Variants in FHIT observed in about 807,000 individuals in gnomAD.
FHIT encodes the protein fragile histidine triad diadenosine triphosphatase.
Under a neutral mutation model 17.9 loss-of-function variants are expected in FHIT, and 19 were observed. That is an observed-to-expected ratio of 1.06 (90% confidence interval 0.74 to 1.56). The LOEUF (loss-of-function observed/expected upper bound fraction) is 1.56. FHIT is among the 40% of genes most tolerant of loss of function. The pLI, the probability that FHIT is intolerant of heterozygous loss-of-function variation, is 0.00. For missense variants in FHIT, 248 were observed against 189.2 expected, an observed-to-expected ratio of 1.31 and a Z score of -1.82; for synonymous variants, 81 against 69.7, an observed-to-expected ratio of 1.16 and a Z score of -0.81.
At chr3:60,729,943 G>C (rs906691123) in intron 4 of FHIT, 1 of 185,118 alleles carries the variant, frequency 5.4e-6, no homozygotes, top group Non-Finnish European at 1.1e-5. Flanking sequence ...AGCTGTGACT[G>C]TATAGTTCAG....
chr3:60,806,571 A>C (rs1701397099), intron 4 of FHIT, among the ~76,000 whole-genome samples: 1 of 152,212 alleles, frequency 6.6e-6, no homozygotes, highest in Admixed American at 6.5e-5. Flanking sequence ...TCCTCACATC[A>C]ATACCGTAAG....
At chr3:60,611,379 T>C (rs928804384) in intron 4 of FHIT, among the ~76,000 whole-genome samples, 1 of 152,202 alleles carries the variant, frequency 6.6e-6, no homozygotes, top group Non-Finnish European at 1.5e-5. Context: ...TAATGCCTAG[T>C]GTTCCATTAT....
chr3:60,332,432 A>G (rs528665544), intron 5 of FHIT, among the ~76,000 whole-genome samples: 1 of 152,350 alleles, frequency 6.6e-6, no homozygotes, highest in East Asian at 1.9e-4. Flanking sequence ...CAGTATCATC[A>G]CAGAAAGAAA....
At position 60,261,255 on chromosome 3, in the gene FHIT, T is replaced by C. The variant is rs575532669; in HGVS notation, c.104-247103A>G. ...TTCCTTGCATGAGGTCCAAGAACCC[T>C]TTCTTAGGCTCTGGATTGGTACCCT... On this transcript the variant is annotated intron_variant, in intron 5 of 9. Transcript: ENST00000492590. Among the ~76,000 whole-genome samples, 87 of 152,122 alleles carry C rather than the reference T, an allele frequency of 5.7e-4. 1 individual carries two copies. The highest frequency in any genetic ancestry group is 1.9e-3 in the African/African-American group (81 of 41,542).
At chr3:60,084,034 G>T (rs1368161146) in intron 5 of FHIT, among the ~76,000 whole-genome samples, 1 of 130,796 alleles carries the variant, frequency 7.6e-6, no homozygotes, top group Non-Finnish European at 1.6e-5. Flanking sequence ...TATTAAGTGG[G>T]GAAAAAATCA....
chr3:60,854,878 A>C (rs1226587309), intron 3 of FHIT, among the ~76,000 whole-genome samples: 9 of 152,184 alleles, frequency 5.9e-5, no homozygotes, highest in African/African-American at 2.2e-4. Context: ...GAATGGATGT[A>C]AAGTGGATCT....
intron 3 of FHIT, among the ~76,000 whole-genome samples, chr3:61,009,465 G>C (rs1025093241): frequency 7.2e-5 from 11 of 152,164 alleles, no homozygotes; most frequent in Non-Finnish European, 1.6e-4. Flanking sequence ...ATGCCTTAGT[G>C]AAAGTCAATG....
At chr3:61,067,592 C>T (rs548777887) in intron 2 of FHIT, among the ~76,000 whole-genome samples, 1 of 152,100 alleles carries the variant, frequency 6.6e-6, no homozygotes, top group South Asian at 2.1e-4. Context: ...TCCAGTCCCC[C>T]CAGAGGTCAA....
intron 4 of FHIT, among the ~76,000 whole-genome samples, chr3:60,590,153 A>T (rs1234643137): frequency 3.9e-5 from 6 of 152,058 alleles, no homozygotes; most frequent in Non-Finnish European, 5.9e-5. Flanking sequence ...AAATTTTTTT[A>T]AATATTATGA....
At chr3:60,922,268 G>C (rs2107319535) in intron 3 of FHIT, among the ~76,000 whole-genome samples, 1 of 152,256 alleles carries the variant, frequency 6.6e-6, no homozygotes. Flanking sequence ...GGATAAATTG[G>C]CCTCTTTACC....
intron 2 of FHIT, among the ~76,000 whole-genome samples, chr3:61,048,052 G>A (rs1297511233): frequency 7.9e-5 from 12 of 151,252 alleles, no homozygotes; most frequent in Non-Finnish European, 1.8e-4. Context: ...TACCATTCAG[G>A]ACATAGGCAT....
At chr3:60,612,007 C>T (rs532953132) in intron 4 of FHIT, among the ~76,000 whole-genome samples, 11 of 152,224 alleles carry the variant, frequency 7.2e-5, no homozygotes, top group African/African-American at 2.6e-4. Context: ...GCAGGATGTC[C>T]CATTCCTCAC....
chr3:60,640,892 C>T (rs565016164), intron 4 of FHIT, among the ~76,000 whole-genome samples: 123 of 152,224 alleles, frequency 8.1e-4, no homozygotes, highest in African/African-American at 2.8e-3. Flanking sequence ...AAAAAAGAAA[C>T]ACACAGGCCA....
intron 5 of FHIT, among the ~76,000 whole-genome samples, chr3:60,057,940 T>A (rs897686522): frequency 6.7e-6 from 1 of 149,770 alleles, no homozygotes; most frequent in African/African-American, 2.5e-5. Context: ...CAGTGACTGG[T>A]TTTCTGCACG....
At chr3:59,880,033 T>G (rs566079902) in intron 8 of FHIT, among the ~76,000 whole-genome samples, 2 of 148,002 alleles carry the variant, frequency 1.4e-5, no homozygotes, top group South Asian at 4.2e-4. Flanking sequence ...GAACACAAGA[T>G]AGAAAACTTC....
At chr3:61,222,945 C>G (rs17668356) in intron 1 of FHIT, among the ~76,000 whole-genome samples, 16,189 of 152,178 alleles carry the variant, frequency 0.11, 1,053 homozygotes, top group South Asian at 0.21. Context: ...TGTTTTGCAC[C>G]TCTTGAACTA....
At chr3:59,995,442 T>C (rs1463382913) in intron 7 of FHIT, among the ~76,000 whole-genome samples, 1 of 152,082 alleles carries the variant, frequency 6.6e-6, no homozygotes, top group Non-Finnish European at 1.5e-5. Context: ...TTGGAATGAG[T>C]TCTTGTGAAC....
At chr3:60,023,288 T>C (rs1177124478) in intron 5 of FHIT, among the ~76,000 whole-genome samples, 1 of 152,200 alleles carries the variant, frequency 6.6e-6, no homozygotes, top group Non-Finnish European at 1.5e-5. Context: ...CTGCAATTCA[T>C]TGCAGATCTA....
chr3:61,044,884 T>G lies in FHIT; in HGVS notation c.-163-2785A>C, dbSNP rs4688207. Among the ~76,000 whole-genome samples, 15 of 152,094 alleles carry G rather than the reference T, an allele frequency of 9.9e-5. No individual in the cohort carries two copies. In the East Asian group the frequency reaches 2.7e-3, roughly 27 times the overall value. On this transcript the variant is annotated intron_variant, in intron 2 of 9. Coordinates refer to ENST00000492590, the MANE Select transcript of FHIT (RefSeq NM_002012.4). ...AGAATTTCATAACTAGCCAAACTAATCTTCACAAGTGAAGGAGAAATAAAA... is the reference window on the plus strand; with the variant it reads ...AGAATTTCATAACTAGCCAAACTAAGCTTCACAAGTGAAGGAGAAATAAAA...
Sources: allele counts gnomAD v4.1 joint callset (sites outside exome capture counted in the v4.1 genomes callset), GRCh38; gene constraint gnomAD v4.1.1; transcripts MANE v1.5; gene names NCBI Gene and HGNC (gene_info 2026-07-23, HGNC 2026-07-21).